The following C10orf67 variants were observed in gnomAD, a reference collection of about 807,000 sequenced individuals.
C10orf67 encodes uncharacterized protein C10orf67, mitochondrial.
C10orf67 carries 60 observed loss-of-function variants against 35.6 expected under a neutral mutation model. The ratio of observed to expected loss-of-function variants is 1.68; its 90% CI spans 1.37 to 2.09. C10orf67 has a LOEUF of 2.09. Ranked by LOEUF, C10orf67 falls within the 30% of genes most tolerant of loss-of-function variation. The pLI is 0.00. For missense variants in C10orf67, 474 were observed against 330.2 expected, an observed-to-expected ratio of 1.44 and a Z score of -3.38; for synonymous variants, 167 against 115.8, an observed-to-expected ratio of 1.44 and a Z score of -2.84.
intron 4 of C10orf67, among the ~76,000 whole-genome samples, chr10:23,304,173 G>A (rs1303808411): frequency 2.0e-4 from 31 of 152,194 alleles, no homozygotes. Flanking sequence ...CCTGCTGGGA[G>A]TCATGCCTAT....
intron 4 of C10orf67, among the ~76,000 whole-genome samples, chr10:23,319,980 C>A (rs557294561): frequency 6.6e-6 from 1 of 152,190 alleles, no homozygotes; most frequent in Non-Finnish European, 1.5e-5. Flanking sequence ...GCCACAGGTA[C>A]AGGTGACCAT....
Position 23,306,654 on chromosome 10 carries a change from G to A in C10orf67, c.547-3195C>T, listed in dbSNP as rs188169698. ...GATGAATAAGTTCTGGCAATCTAAC[G>A]TACAGTATGGTGACTATGGTTAATA... On this transcript the variant is annotated intron_variant, in intron 4 of 15. Coordinates refer to ENST00000636213, the MANE Select transcript of C10orf67 (RefSeq NM_001371909.1). Among the ~76,000 whole-genome samples, 39 of 151,998 alleles carry A rather than the reference G, an allele frequency of 2.6e-4. No individual in the cohort carries two copies. The East Asian group carries it at 6.2e-3, about 24-fold the overall frequency.
chr10:23,202,341 T>C (rs1841048758), downstream of C10orf67: 1 of 152,248 alleles, frequency 6.6e-6, no homozygotes. Flanking sequence ...GCGTCATTTT[T>C]CACCAGGTCT....
chr10:23,304,654 A>G (rs1458905955), intron 4 of C10orf67, among the ~76,000 whole-genome samples: 2 of 152,112 alleles, frequency 1.3e-5, no homozygotes, highest in African/African-American at 4.8e-5. Flanking sequence ...GCCATGAAGC[A>G]GCCCTGTAAT....
rs145053068 is a variant in C10orf67, at chr10:23,214,441, C to A, written c.1570+9157G>T. ...CATGATGGAATAAAATATTTAGAGT[C>A]AAGCAACAGTTAAAGTGCTGTCAAA... On this transcript the variant is annotated intron_variant, in intron 15 of 15. Coordinates refer to ENST00000636213, the MANE Select transcript of C10orf67 (RefSeq NM_001371909.1). Among the ~76,000 whole-genome samples the A allele has an allele frequency of 5.0e-3, 768 of 152,142 alleles. 5 individuals are homozygous for A. Among genetic ancestry groups the A allele is most frequent in the Non-Finnish European group, 5.5e-3 (372 of 67,978 alleles).
chr10:23,300,109 A>G (rs1825092844), intron 5 of C10orf67, among the ~76,000 whole-genome samples: 1 of 151,998 alleles, frequency 6.6e-6, no homozygotes, highest in Non-Finnish European at 1.5e-5. Context: ...TGCCCCAGGC[A>G]CCCTCAGTCC....
intron 8 of C10orf67, among the ~76,000 whole-genome samples, chr10:23,275,432 C>A (rs1274476786): frequency 6.6e-6 from 1 of 152,144 alleles, no homozygotes; most frequent in East Asian, 1.9e-4. Flanking sequence ...GAGATTGTCC[C>A]CCTTGTGTTG....
At chr10:23,231,472 T>C (rs1841913262) in intron 13 of C10orf67, among the ~76,000 whole-genome samples, 1 of 152,252 alleles carries the variant, frequency 6.6e-6, no homozygotes, top group South Asian at 2.1e-4. Context: ...TACCACTTTA[T>C]GGAGTACTGC....
chr10:23,210,317 G>T (rs987829720), intron 15 of C10orf67, among the ~76,000 whole-genome samples: 6 of 152,188 alleles, frequency 3.9e-5, no homozygotes, highest in African/African-American at 1.4e-4. Context: ...TTATGGAAGA[G>T]AGTACTGGAC....
chr10:23,318,694 G>A (rs914524725), intron 4 of C10orf67: 3 of 541,562 alleles, frequency 5.5e-6, no homozygotes, highest in Non-Finnish European at 9.9e-6. Flanking sequence ...CGTTAGCAGA[G>A]CAATCTGTCC....
intron 8 of C10orf67, among the ~76,000 whole-genome samples, chr10:23,275,470 A>G (rs1843161224): frequency 6.6e-6 from 1 of 152,138 alleles, no homozygotes; most frequent in Non-Finnish European, 1.5e-5. Flanking sequence ...TCTCCCCTGC[A>G]GGCCTCTGGG....
At chr10:23,302,718 C>A (rs990872584) in intron 5 of C10orf67, among the ~76,000 whole-genome samples, 1 of 152,188 alleles carries the variant, frequency 6.6e-6, no homozygotes, top group African/African-American at 2.4e-5. Flanking sequence ...CTTAAACTTC[C>A]TCCTTGACAG....
At chr10:23,233,839 C>G (rs917139148) in intron 13 of C10orf67, among the ~76,000 whole-genome samples, 9 of 151,942 alleles carry the variant, frequency 5.9e-5, no homozygotes, top group African/African-American at 2.2e-4. Flanking sequence ...TTGAGTTTAC[C>G]TTAAAGTTTA....
At chr10:23,290,983 C>A (rs1443140709) in intron 6 of C10orf67, 149 bp downstream of exon 6, 7 of 578,878 alleles carry the variant, frequency 1.2e-5, no homozygotes, top group Non-Finnish European at 3.0e-6. Flanking sequence ...GAAGTGCTAT[C>A]TTTAATAAAA....
chr10:23,337,559 T>C, intron 1 of C10orf67, among the ~76,000 whole-genome samples: 1 of 151,774 alleles, frequency 6.6e-6, no homozygotes, highest in Non-Finnish European at 1.5e-5. Context: ...AAGAGAGGAG[T>C]CATCATTGGT....
chr10:23,329,463 A>G (rs938066239), intron 2 of C10orf67, among the ~76,000 whole-genome samples: 6 of 152,244 alleles, frequency 3.9e-5, no homozygotes, highest in Non-Finnish European at 7.3e-5. Flanking sequence ...TCTAACAAAC[A>G]TTGAAGAAAT....
chr10:23,236,252 GGA>G (rs1842047054), intron 13 of C10orf67, among the ~76,000 whole-genome samples: 1 of 81,550 alleles, frequency 1.2e-5, no homozygotes, highest in Non-Finnish European at 2.0e-5. Flanking sequence ...CCCTCTCGGG[GGA>G]AAAAAAAAAA....
chr10:23,325,681 TAA>T (rs5783837), intron 2 of C10orf67, among the ~76,000 whole-genome samples: 1 of 145,100 alleles, frequency 6.9e-6, no homozygotes, highest in South Asian at 2.2e-4. Context: ...ATTATATATA[TAA>T]AAAAAAAAAA....
In C10orf67 at chr10:23,211,778, T is replaced by G. The variant is rs149640345; in HGVS notation, c.1571-7523A>C. Among the ~76,000 whole-genome samples the G allele has an allele frequency of 2.0e-3, 300 of 152,280 alleles. 3 individuals are homozygous for G. The highest frequency in any genetic ancestry group is 5.7e-3 in the African/African-American group (237 of 41,546). ...AGAGAACTGATTTGAACACATAGGA[T>G]ATTTTTGGTGGGGGAAGAAGAGAGA... On this transcript the variant is annotated intron_variant, in intron 15 of 15. Transcript: ENST00000636213.
Sources: gnomAD v4.1 joint callset for allele counts (sites outside exome capture counted in the v4.1 genomes callset) on GRCh38, gnomAD v4.1.1 for gene constraint, MANE v1.5 for transcripts, NCBI Gene and HGNC (gene_info 2026-07-23, HGNC 2026-07-21) for gene names.